Variants in ASB15 observed in about 807,000 individuals in gnomAD.
ASB15 encodes ankyrin repeat and SOCS box containing 15.
Under a neutral mutation model 58.0 loss-of-function variants are expected in ASB15, and 54 were observed. That is an observed-to-expected ratio of 0.93 (90% CI 0.75 to 1.17). The LOEUF is 1.17. ASB15 is among the 50% of genes most tolerant of loss of function. ASB15 has a pLI of 0.00. For missense variants in ASB15, 680 were observed against 707.4 expected, an observed-to-expected ratio of 0.96 and a Z score of 0.44; for synonymous variants, 249 against 262.4, an observed-to-expected ratio of 0.95 and a Z score of 0.50.
At chr7:123,616,851 CTTGAG>C (rs748288946) in intron 6 of ASB15, among the ~76,000 whole-genome samples, 3 of 152,096 alleles carry the variant, frequency 2.0e-5, no homozygotes, top group Non-Finnish European at 4.4e-5. Context: ...TGAACTATCT[CTTGAG>C]TTAACAGTTT....
At chr7:123,626,513 C>T (rs956443041) in intron 8 of ASB15, among the ~76,000 whole-genome samples, 12 of 152,094 alleles carry the variant, frequency 7.9e-5, no homozygotes, top group Non-Finnish European at 1.2e-4. Flanking sequence ...AAACTACTGT[C>T]TTTAAATTAA....
chr7:123,584,826 C>T (rs1038326376), intron 1 of ASB15: 11 of 151,716 alleles, frequency 7.3e-5, no homozygotes, highest in African/African-American at 2.4e-4. Context: ...TCCATTAGTT[C>T]AAAAGAAAAG....
At chr7:123,587,711 T>C (rs1043472774) in intron 1 of ASB15, among the ~76,000 whole-genome samples, 6 of 151,804 alleles carry the variant, frequency 4.0e-5, no homozygotes, top group Admixed American at 2.6e-4. Context: ...GTACATTCTT[T>C]CTATACCTAA....
chr7:123,611,269 C>A (rs1800436766), intron 3 of ASB15, among the ~76,000 whole-genome samples: 1 of 152,084 alleles, frequency 6.6e-6, no homozygotes, highest in African/African-American at 2.4e-5. Context: ...TGAGTCCTAG[C>A]CACTCAAGGA....
At chr7:123,629,750 G>A (rs2116654306) in intron 10 of ASB15, among the ~76,000 whole-genome samples, 1 of 152,224 alleles carries the variant, frequency 6.6e-6, no homozygotes, top group African/African-American at 2.4e-5. Flanking sequence ...ACTTCTCCAT[G>A]CTTTGCTGAC....
At chr7:123,587,253 C>T (rs1584736649) in intron 1 of ASB15, among the ~76,000 whole-genome samples, 1 of 151,538 alleles carries the variant, frequency 6.6e-6, no homozygotes. Context: ...TCAGTGTACT[C>T]ACCTTTCACC....
intron 9 of ASB15, among the ~76,000 whole-genome samples, chr7:123,628,386 C>T (rs1801929864): frequency 6.6e-6 from 1 of 152,224 alleles, no homozygotes; most frequent in African/African-American, 2.4e-5. Flanking sequence ...CCTCTCTAGA[C>T]TTCAGATTGT....
chr7:123,593,629 T>C (rs1251124335), intron 1 of ASB15, among the ~76,000 whole-genome samples: 1 of 152,160 alleles, frequency 6.6e-6, no homozygotes, highest in African/African-American at 2.4e-5. Context: ...GCTTGTAGGG[T>C]TTCTGCCAAG....
chr7:123,584,566 T>G (rs1174796583), intron 1 of ASB15, among the ~76,000 whole-genome samples: 1 of 151,926 alleles, frequency 6.6e-6, no homozygotes, highest in Admixed American at 6.6e-5. Context: ...ATAATATTTC[T>G]TATAAGGTTT....
chr7:123,627,337 C>T lies in ASB15; in HGVS notation c.869+56C>T, dbSNP rs1801862533. ...AGTTAAAAATGCTAATTTGTATATA[C>T]AGTATAATCACAAGTCTATATGTAA... On this transcript the variant is annotated intron_variant, in intron 9 of 11. Transcript: ENST00000451215. 5.6e-6 allele frequency: 8 copies of T among 1,432,052 alleles called. No homozygotes were observed. In the South Asian group the frequency reaches 9.0e-5, roughly 16 times the overall value. 88.7% of individuals were successfully genotyped at this position (1,432,052 alleles called of 1,614,324 possible).
chr7:123,597,917 CGTGTGTGTGTGTGTGT>C (rs61508655), upstream of ASB15, among the ~76,000 whole-genome samples: 12 of 132,974 alleles, frequency 9.0e-5, no homozygotes, highest in Non-Finnish European at 9.6e-5. Flanking sequence ...TTTCAAACTT[CGTGTGTGTGTGTGTGT>C]GTGTGTGTGT....
chr7:123,580,623 G>A (rs1419693791), intron 1 of ASB15, among the ~76,000 whole-genome samples: 1 of 151,994 alleles, frequency 6.6e-6, no homozygotes, highest in Admixed American at 6.6e-5. Flanking sequence ...GTGCAGTTTG[G>A]AAAATTTTGA....
intron 2 of ASB15, among the ~76,000 whole-genome samples, chr7:123,606,496 A>T (rs1800154891): frequency 6.6e-6 from 1 of 151,608 alleles, no homozygotes; most frequent in South Asian, 2.1e-4. Flanking sequence ...GAAAACTCTT[A>T]AAATCTACAC....
At chr7:123,593,889 A>G (rs763044144) in intron 1 of ASB15, among the ~76,000 whole-genome samples, 11 of 152,078 alleles carry the variant, frequency 7.2e-5, no homozygotes, top group Non-Finnish European at 1.6e-4. Flanking sequence ...AACTTGGTTC[A>G]ATTCTCCCCG....
At chr7:123,582,712 G>T (rs1029166815) in intron 1 of ASB15, among the ~76,000 whole-genome samples, 1 of 151,800 alleles carries the variant, frequency 6.6e-6, no homozygotes, top group Non-Finnish European at 1.5e-5. Flanking sequence ...ATCGTCTAAG[G>T]CATACTCTTG....
chr7:123,607,877 A>C (rs1277570742), intron 2 of ASB15, among the ~76,000 whole-genome samples: 1 of 152,182 alleles, frequency 6.6e-6, no homozygotes, highest in Admixed American at 6.5e-5. Context: ...GTCTACTAAT[A>C]AGTTGTCTTT....
At chr7:123,619,363 G>A (rs778653856) in intron 7 of ASB15, among the ~76,000 whole-genome samples, 1 of 152,014 alleles carries the variant, frequency 6.6e-6, no homozygotes, top group Non-Finnish European at 1.5e-5. Flanking sequence ...AATTAAATTA[G>A]GAGAATAAAA....
chr7:123,602,424 T>C (rs1325362457), intron 1 of ASB15, among the ~76,000 whole-genome samples: 1 of 152,148 alleles, frequency 6.6e-6, no homozygotes, highest in African/African-American at 2.4e-5. Flanking sequence ...CTGCAAATTA[T>C]ATCACAAAAT....
chr7:123,591,984 A>G (rs567433685), intron 1 of ASB15, among the ~76,000 whole-genome samples: 1 of 152,082 alleles, frequency 6.6e-6, no homozygotes, highest in African/African-American at 2.4e-5. Context: ...AGGACCTGTT[A>G]TTGGTCTATT....
Sources: gnomAD v4.1 joint callset for allele counts (sites outside exome capture counted in the v4.1 genomes callset) on GRCh38, gnomAD v4.1.1 for gene constraint, MANE v1.5 for transcripts, NCBI Gene and HGNC (gene_info 2026-07-23, HGNC 2026-07-21) for gene names.